MDGA2: variants seen among roughly 807,000 people sequenced by gnomAD.
MDGA2 encodes MAM domain containing glycosylphosphatidylinositol anchor 2, also known as MAM domain-containing glycosylphosphatidylinositol anchor protein 2.
MDGA2 carries 40 observed loss-of-function variants against 117.8 expected under a neutral mutation model. The observed-to-expected ratio is 0.34, with a 90% confidence interval of 0.26 to 0.44. The LOEUF (loss-of-function observed/expected upper bound fraction) is 0.44. Among genes scored for constraint, MDGA2 ranks in the 20% least tolerant of loss-of-function variants. MDGA2 has a pLI of 1.00. For missense variants in MDGA2, 1,123 were observed against 1,250.6 expected (o/e 0.90, Z 1.54); for synonymous variants, 452 against 439.0 (o/e 1.03, Z -0.37).
intron 1 of MDGA2, among the ~76,000 whole-genome samples, chr14:47,516,037 A>G (rs1894744028): frequency 6.6e-6 from 1 of 152,206 alleles, no homozygotes; most frequent in Non-Finnish European, 1.5e-5. Context: ...GAAAATAACC[A>G]TAGTTCAATC....
chr14:46,845,173 G>A (rs1880782097), intron 16 of MDGA2, among the ~76,000 whole-genome samples: 1 of 152,202 alleles, frequency 6.6e-6, no homozygotes, highest in Non-Finnish European at 1.5e-5. Context: ...GTGAGCCACC[G>A]CGCCCGGCCG....
intron 3 of MDGA2, among the ~76,000 whole-genome samples, chr14:47,187,149 T>C (rs1399773931): frequency 2.6e-5 from 4 of 151,876 alleles, no homozygotes; most frequent in Non-Finnish European, 5.9e-5. Context: ...ATCAATTCTC[T>C]AGGCATTCAG....
chr14:46,950,571 T>A (rs909599336), intron 9 of MDGA2, among the ~76,000 whole-genome samples: 1 of 152,004 alleles, frequency 6.6e-6, no homozygotes, highest in Admixed American at 6.6e-5. Context: ...GTTATCATCA[T>A]AAATAAAATT....
At chr14:47,031,963 A>G (rs1888679158) in intron 8 of MDGA2, among the ~76,000 whole-genome samples, 1 of 152,154 alleles carries the variant, frequency 6.6e-6, no homozygotes, top group Non-Finnish European at 1.5e-5. Context: ...TTTTCTTTAT[A>G]AATTACCCAG....
intron 3 of MDGA2, among the ~76,000 whole-genome samples, chr14:47,195,558 A>T (rs1235619788): frequency 2.6e-5 from 4 of 152,044 alleles, no homozygotes; most frequent in Admixed American, 2.6e-4. Context: ...GTTTCTTTTG[A>T]TATTCAAATC....
chr14:47,553,391 T>C (rs1053419101), intron 1 of MDGA2, among the ~76,000 whole-genome samples: 3 of 152,224 alleles, frequency 2.0e-5, no homozygotes, highest in African/African-American at 7.2e-5. Context: ...TTGGAACTCC[T>C]TCTAGGCATT....
intron 2 of MDGA2, among the ~76,000 whole-genome samples, chr14:47,298,394 C>A (rs989839425): frequency 6.6e-6 from 1 of 152,008 alleles, no homozygotes; most frequent in African/African-American, 2.4e-5. Context: ...TGGAAATAAA[C>A]AATCTTTATG....
At position 47,342,949 on chromosome 14, in the gene MDGA2, A is replaced by AGTCACAG. The variant is rs548134736; in HGVS notation, c.281-41406_281-41400dup. 1.7e-4 allele frequency: 99 copies of AGTCACAG among 575,960 alleles called. No homozygotes were observed. In the African/African-American group the frequency reaches 1.8e-3, roughly 10 times the overall value. The allele number at this position is 575,960 out of a possible 1,614,324, so 35.7% of individuals were successfully genotyped here. ...AATTAGGGAAAACCATACCTTCTGAAGTCACAGTAGTAGGAGGAAGGAAAG... is the reference window on the plus strand; with the variant it reads ...AATTAGGGAAAACCATACCTTCTGAAGTCACAGGTCACAGTAGTAGGAGGAAGGAAAG... On this transcript the variant is annotated intron_variant, in intron 1 of 16. Coordinates refer to ENST00000399232, the MANE Select transcript of MDGA2 (RefSeq NM_001113498.3).
At chr14:47,392,013 A>G (rs1891906427) in intron 1 of MDGA2, among the ~76,000 whole-genome samples, 1 of 152,188 alleles carries the variant, frequency 6.6e-6, no homozygotes, top group Non-Finnish European at 1.5e-5. Context: ...CATCCCGGTA[A>G]TTCTGTCTGT....
At chr14:47,113,280 A>G (rs1487904268) in intron 5 of MDGA2, among the ~76,000 whole-genome samples, 3 of 152,060 alleles carry the variant, frequency 2.0e-5, no homozygotes, top group Non-Finnish European at 4.4e-5. Flanking sequence ...GACCAATAAC[A>G]AGGCCTGAAA....
At chr14:47,168,284 C>CA (rs563280796) in intron 3 of MDGA2, among the ~76,000 whole-genome samples, 3,266 of 59,108 alleles carry the variant, frequency 0.055, 164 homozygotes, top group African/African-American at 0.14. Context: ...AACTCCATCT[C>CA]AAAAAAAAAA....
chr14:46,990,876 A>ACC (rs1342655964), intron 8 of MDGA2, among the ~76,000 whole-genome samples: 7 of 79,836 alleles, frequency 8.8e-5, no homozygotes, highest in Middle Eastern at 6.0e-3. Flanking sequence ...CCACACACAC[A>ACC]CACACACACA....
At chr14:47,634,292 CT>C (rs927633235) in intron 1 of MDGA2, among the ~76,000 whole-genome samples, 2 of 151,962 alleles carry the variant, frequency 1.3e-5, no homozygotes, top group African/African-American at 4.8e-5. Context: ...ATCATAAGCA[CT>C]TTTCATGTTA....
intron 7 of MDGA2, among the ~76,000 whole-genome samples, chr14:47,044,481 G>T (rs763272623): frequency 2.0e-5 from 3 of 152,120 alleles, no homozygotes; most frequent in Admixed American, 6.6e-5. Flanking sequence ...TATATTCTAA[G>T]ACTTGTATTA....
intron 1 of MDGA2, among the ~76,000 whole-genome samples, chr14:47,442,538 A>G (rs956054424): frequency 6.6e-6 from 1 of 152,148 alleles, no homozygotes; most frequent in East Asian, 1.9e-4. Flanking sequence ...GCAGGAGCAG[A>G]GTATTAACAA....
At chr14:47,501,412 G>T (rs1285713885) in intron 1 of MDGA2, among the ~76,000 whole-genome samples, 1 of 152,110 alleles carries the variant, frequency 6.6e-6, no homozygotes, top group Non-Finnish European at 1.5e-5. Flanking sequence ...GCAAATCAAG[G>T]AAACCTGAAT....
At chr14:47,142,829 G>C (rs1882781422) in intron 4 of MDGA2, among the ~76,000 whole-genome samples, 1 of 152,156 alleles carries the variant, frequency 6.6e-6, no homozygotes, top group Admixed American at 6.6e-5. Context: ...CTATGTTATG[G>C]TGAACTGACT....
At chr14:47,129,402 C>A (rs1882079014) in intron 5 of MDGA2, among the ~76,000 whole-genome samples, 1 of 152,138 alleles carries the variant, frequency 6.6e-6, no homozygotes, top group South Asian at 2.1e-4. Flanking sequence ...TCATCCATGT[C>A]CCCACAAAGG....
At chr14:47,234,815 G>T (rs769709489) in intron 2 of MDGA2, among the ~76,000 whole-genome samples, 4 of 152,062 alleles carry the variant, frequency 2.6e-5, no homozygotes, top group Non-Finnish European at 5.9e-5. Context: ...GAAAGGCATT[G>T]TATTATAAAA....
Sources: allele counts gnomAD v4.1 joint callset (sites outside exome capture counted in the v4.1 genomes callset), GRCh38; gene constraint gnomAD v4.1.1; transcripts MANE v1.5; gene names NCBI Gene and HGNC (gene_info 2026-07-23, HGNC 2026-07-21).